SNX1: variants seen among roughly 807,000 people sequenced by gnomAD.
SNX1 encodes the protein sorting nexin-1.
Under a neutral mutation model 71.8 loss-of-function variants are expected in SNX1, and 36 were observed. The ratio of observed to expected loss-of-function variants is 0.50; its 90% CI spans 0.38 to 0.66. The LOEUF is 0.66. SNX1 is among the 30% of genes least tolerant of loss of function. SNX1 has a pLI of 0.00. For synonymous variants in SNX1, 254 were observed against 240.7 expected (o/e 1.06, Z -0.51); for missense variants, 612 against 646.7 (o/e 0.95, Z 0.58).
intron 4 of SNX1, among the ~76,000 whole-genome samples, chr15:64,119,882 T>G (rs2081177441): frequency 1.3e-5 from 2 of 152,180 alleles, no homozygotes; most frequent in Admixed American, 6.5e-5. Context: ...ATTTTTTCCC[T>G]CAAGAAGTTT....
In SNX1 at chr15:64,141,903, G is replaced by C. The variant is rs1157276265; in HGVS notation, c.*4285G>C. Reference sequence around the variant, plus strand: ...TTTGATGAGAGGCTTGAGGGGAGAGGGAGGTAGCTAGGATGCCCCGCAAGC... The same window carrying C: ...TTTGATGAGAGGCTTGAGGGGAGAGCGAGGTAGCTAGGATGCCCCGCAAGC... On this transcript the variant is annotated 3_prime_UTR_variant, in exon 15 of 15. Coordinates refer to ENST00000559844, the MANE Select transcript of SNX1 (RefSeq NM_003099.5). This position sits in a 1 kb window ranked among gnomAD's most constrained non-coding sequence, Gnocchi z 5.1. 1 of 152,286 alleles carries C rather than the reference G, an allele frequency of 6.6e-6. No homozygotes were observed. Among genetic ancestry groups the C allele is most frequent in the Non-Finnish European group, 1.5e-5 (1 of 68,142 alleles). The allele number at this position is 152,286 out of a possible 1,614,324, so 9.4% of individuals were successfully genotyped here. A position where few individuals can be genotyped will look rare whatever the true frequency, so the allele number is the denominator to read the frequency against.
intron 3 of SNX1, 47 bp from the exon 4 acceptor site, chr15:64,118,741 C>T: frequency 7.0e-7 from 1 of 1,418,684 alleles, no homozygotes; most frequent in Non-Finnish European, 9.9e-7. Flanking sequence ...AAATTGATAG[C>T]TTTTTTTTTC....
chr15:64,133,730 C>T (rs1254849505), intron 11 of SNX1, among the ~76,000 whole-genome samples: 3 of 152,176 alleles, frequency 2.0e-5, no homozygotes, highest in Non-Finnish European at 4.4e-5. Context: ...AGTGAAACTC[C>T]GTCTAAAAAG....
intron 5 of SNX1, 57 bp downstream of exon 5, chr15:64,123,603 A>G: frequency 7.3e-7 from 1 of 1,371,808 alleles, no homozygotes. Context: ...GCTTATACCA[A>G]GGTCATCATT....
In SNX1 at chr15:64,126,096, C is replaced by G. The variant is rs2081249311; in HGVS notation, c.528C>G (p.Phe176Leu). The change falls in exon 6 of 15, where the codon TTC (phenylalanine) becomes TTG (leucine). Residue 176 changes from phenylalanine to leucine, a missense_variant. By Grantham distance (22) the Phe-to-Leu change is conservative (BLOSUM62 0). Around this residue, in one of 2 missense-constraint regions of SNX1, gnomAD observed 316 missense variants for 284.9 expected, o/e 1.11. Transcript: ENST00000559844. ...KVTTQTSLPL[F>L]RSKQFAVKRR... is the part of the protein sequence containing the mutation. ...TCCCCAAGACAAGCTTACCATTGTTCAGAAGCAAACAGTTTGCAGTAAAAA... is the reference window on the plus strand; with the variant it reads ...TCCCCAAGACAAGCTTACCATTGTTGAGAAGCAAACAGTTTGCAGTAAAAA... 6.2e-7 allele frequency: 1 copy of G among 1,614,100 alleles called. No homozygotes were observed. Among genetic ancestry groups the G allele is most frequent in the East Asian group, 2.2e-5 (1 of 44,874 alleles).
At position 64,138,069 on chromosome 15, in the gene SNX1, G is replaced by A. The variant is rs1040943155; in HGVS notation, c.*451G>A. 7.2e-6 allele frequency: 11 copies of A among 1,535,238 alleles called. No individual in the cohort carries two copies. The highest frequency in any genetic ancestry group is 3.9e-5 in the Admixed American group (2 of 50,836). On this transcript the variant is annotated 3_prime_UTR_variant, in exon 15 of 15. Transcript: ENST00000559844. ...TGGGGAGCAGTTGGGAATCAGGTCT[G>A]GAATACTCCTAACCAAGAAGTTGCC... is the stretch of plus-strand genomic sequence containing the variant.
At chr15:64,100,398 T>TA (rs775573147) in intron 1 of SNX1, among the ~76,000 whole-genome samples, 21 of 152,128 alleles carry the variant, frequency 1.4e-4, no homozygotes, top group Admixed American at 7.2e-4. Context: ...GCAGGAGTTC[T>TA]AGACCAGCCT....
At position 64,142,890 on chromosome 15, in the gene SNX1, G is replaced by T; in HGVS notation, c.*5272G>T. ...GATTTTCATTCTGAATGCTCCTGTA[G>T]CTAGGAACCCTAAAAAGTCTTTGAA... is the stretch of plus-strand genomic sequence containing the variant. On this transcript the variant is annotated 3_prime_UTR_variant, in exon 15 of 15. Transcript: ENST00000559844. 3.4e-6 allele frequency: 1 copy of T among 295,118 alleles called. No individual in the cohort carries two copies. The highest frequency in any genetic ancestry group is 6.7e-6 in the Non-Finnish European group (1 of 148,190). 18.3% of individuals were successfully genotyped at this position (295,118 alleles called of 1,614,324 possible).
chr15:64,112,598 C>A lies in SNX1; in HGVS notation c.185C>A (p.Thr62Asn). Residue 62 changes from threonine (T) to asparagine (N), a missense_variant, in exon 2 of 15, where the codon ACT (threonine) becomes AAT (asparagine). Thr to Asn is a moderately conservative substitution (Grantham distance 65). Around this residue, in one of 2 missense-constraint regions of SNX1, gnomAD observed 316 missense variants for 284.9 expected, o/e 1.11. Coordinates refer to ENST00000559844, the MANE Select transcript of SNX1 (RefSeq NM_003099.5). The stretch of plus-strand genomic sequence containing the variant: ...AGTAAACATCAGTCTCCAAAGATAA[C>A]TACATCCCTTCTTCCCATCAACAAT... ...VVSKHQSPKI[T>N]TSLLPINNGS... The A allele has an allele frequency of 6.2e-7, 1 of 1,611,476 alleles. No homozygotes were observed. Among genetic ancestry groups the A allele is most frequent in the Admixed American group, 1.7e-5 (1 of 59,884 alleles).
chr15:64,101,882 A>G lies in SNX1; in HGVS notation c.159+5710A>G, dbSNP rs2080965708. On this transcript the variant is annotated intron_variant, in intron 1 of 14. Coordinates refer to ENST00000559844, the MANE Select transcript of SNX1 (RefSeq NM_003099.5). ...GTATATTTTCAAAAAGCTTTCTGAA[A>G]GAGAGGATTTTGAATGTTTACAGCA... Among the ~76,000 whole-genome samples, 5 of 152,342 alleles carry G rather than the reference A, an allele frequency of 3.3e-5. No homozygotes were observed. In the South Asian group the frequency reaches 1.0e-3, roughly 32 times the overall value.
chr15:64,108,805 T>C (rs2081048812), intron 1 of SNX1, among the ~76,000 whole-genome samples: 1 of 151,270 alleles, frequency 6.6e-6, no homozygotes, highest in Non-Finnish European at 1.5e-5. Flanking sequence ...CTGGCCAACA[T>C]GATGAAACGC....
intron 1 of SNX1, among the ~76,000 whole-genome samples, chr15:64,104,174 C>A (rs2080993114): frequency 2.6e-5 from 4 of 151,244 alleles, no homozygotes; most frequent in Admixed American, 2.6e-4. Context: ...TCATTAATTT[C>A]TTGATCATTG....
chr15:64,122,913 T>C (rs2081210117), intron 4 of SNX1, among the ~76,000 whole-genome samples: 1 of 152,074 alleles, frequency 6.6e-6, no homozygotes, highest in Admixed American at 6.6e-5. Flanking sequence ...GAGATTTGTG[T>C]GACATTAGGC....
rs8024348 is a variant in SNX1, at chr15:64,138,325, C to T, written c.*707C>T. ...AAGGAGGCAGAGACTTTCTCTCTCTCTTTTTTTTTTTTTTTTGGTGTCCCT... is the reference window on the plus strand; with the variant it reads ...AAGGAGGCAGAGACTTTCTCTCTCTTTTTTTTTTTTTTTTTTGGTGTCCCT... On this transcript the variant is annotated 3_prime_UTR_variant, in exon 15 of 15. Coordinates refer to ENST00000559844, the MANE Select transcript of SNX1 (RefSeq NM_003099.5). The T allele has an allele frequency of 0.035, 19,014 of 550,340 alleles. 2,599 individuals are homozygous for T. The highest frequency in any genetic ancestry group is 0.32 in the African/African-American group (15,319 of 47,762). 34.1% of individuals were successfully genotyped at this position (550,340 alleles called of 1,614,324 possible). A position where few individuals can be genotyped will look rare whatever the true frequency, so the allele number is the denominator to read the frequency against.
Position 64,141,429 on chromosome 15 carries a change from G to C in SNX1, c.*3811G>C, listed in dbSNP as rs1227120024. 1 of 152,270 alleles carries C rather than the reference G, an allele frequency of 6.6e-6. No individual in the cohort carries two copies. The highest frequency in any genetic ancestry group is 1.9e-4 in the East Asian group (1 of 5,194). 9.4% of individuals were successfully genotyped at this position (152,270 alleles called of 1,614,324 possible). A position where few individuals can be genotyped will look rare whatever the true frequency, so the allele number is the denominator to read the frequency against. The stretch of plus-strand genomic sequence containing the variant: ...GCCAGTAGTGGGTTAGGGGTACTGA[G>C]CCAGAAGCCTCTACAAGGAATAACA... On this transcript the variant is annotated 3_prime_UTR_variant, in exon 15 of 15. Transcript: ENST00000559844. This position sits in a 1 kb window ranked among gnomAD's most constrained non-coding sequence, Gnocchi z 5.1.
intron 1 of SNX1, among the ~76,000 whole-genome samples, chr15:64,107,885 A>G (rs894783789): frequency 2.0e-4 from 31 of 152,178 alleles, no homozygotes; most frequent in African/African-American, 6.5e-4. Flanking sequence ...CTGACTGCTA[A>G]GGAGTTTTTT....
intron 1 of SNX1, among the ~76,000 whole-genome samples, chr15:64,104,336 G>A (rs528396518): frequency 4.7e-5 from 7 of 147,868 alleles, no homozygotes; most frequent in South Asian, 2.2e-4. Context: ...GCAGTGGCGC[G>A]ATTTTGGCTC....
At position 64,131,670 on chromosome 15, in the gene SNX1, T is replaced by C. The variant is rs532916519; in HGVS notation, c.1016-17T>C. The C allele has an allele frequency of 1.4e-5, 23 of 1,610,600 alleles. No homozygotes were observed. The highest frequency in any genetic ancestry group is 2.0e-5 in the Non-Finnish European group (23 of 1,177,238). Reference sequence around the variant, plus strand: ...TGTGAGATCAGAGAGGCCTCTGCTGTCTTTTCCTCCTTCCAGAGCTAGCGC... The same window carrying C: ...TGTGAGATCAGAGAGGCCTCTGCTGCCTTTTCCTCCTTCCAGAGCTAGCGC... On this transcript the variant is annotated splice_polypyrimidine_tract_variant and intron_variant, in intron 10 of 14. Coordinates refer to ENST00000559844, the MANE Select transcript of SNX1 (RefSeq NM_003099.5).
In SNX1 at chr15:64,138,241, T is replaced by G. The variant is rs577843475; in HGVS notation, c.*623T>G. 3.3e-5 allele frequency: 49 copies of G among 1,463,604 alleles called. No individual in the cohort carries two copies. The African/African-American group carries it at 6.6e-4, about 20-fold the overall frequency. The allele number at this position is 1,463,604 out of a possible 1,614,324, so 90.7% of individuals were successfully genotyped here. A position where few individuals can be genotyped will look rare whatever the true frequency, so the allele number is the denominator to read the frequency against. On this transcript the variant is annotated 3_prime_UTR_variant, in exon 15 of 15. Transcript: ENST00000559844. ...TATTCCCACTTCTTTAGGGAAGGAGTTTTAAAAACATCTCTTAAAATAAGA... is the reference window on the plus strand; with the variant it reads ...TATTCCCACTTCTTTAGGGAAGGAGGTTTAAAAACATCTCTTAAAATAAGA...
Sources: gnomAD v4.1 joint callset for allele counts (sites outside exome capture counted in the v4.1 genomes callset) on GRCh38, gnomAD v4.1.1 for gene constraint, gnomAD v4.1.1 regional missense constraint, Gnocchi (gnomAD v3.1) non-coding constraint, MANE v1.5 for transcripts, NCBI Gene and HGNC (gene_info 2026-07-23, HGNC 2026-07-21) for gene names.